Variants in PANK2 observed in about 807,000 individuals in gnomAD.
The protein encoded by PANK2 is pantothenate kinase 2.
Under a neutral mutation model 43.1 loss-of-function variants are expected in PANK2, and 36 were observed. The observed-to-expected ratio is 0.84, with a 90% confidence interval of 0.64 to 1.10. The LOEUF is 1.10. Among genes scored for constraint, PANK2 ranks in the 50% least tolerant of loss-of-function variants. The probability of loss-of-function intolerance (pLI) is 0.00; values close to 1 mark genes in which losing one functional copy is unlikely to be tolerated. For synonymous variants in PANK2, 281 were observed against 238.2 expected, an observed-to-expected ratio of 1.18 and a Z score of -1.66; for missense variants, 576 against 593.3, an observed-to-expected ratio of 0.97 and a Z score of 0.30.
chr20:3,890,901 T>C (rs2090112616), intron 1 of PANK2, among the ~76,000 whole-genome samples: 1 of 152,218 alleles, frequency 6.6e-6, no homozygotes, highest in Non-Finnish European at 1.5e-5. Flanking sequence ...TCACCTAGTT[T>C]TGTTTTATTT....
chr20:3,895,505 T>C lies in PANK2; in HGVS notation c.298+5777T>C, dbSNP rs1435299875. 5.3e-5 allele frequency among the ~76,000 whole-genome samples: 8 copies of C among 151,058 alleles called. No homozygotes were observed. In the East Asian group the frequency reaches 7.7e-4, roughly 15 times the overall value. ...CTCCGTTTTTTTTTTTTTCTTTTTTTTTTTCTCAAAACATTTCAAAAAATA... is the reference window on the plus strand; with the variant it reads ...CTCCGTTTTTTTTTTTTTCTTTTTTCTTTTCTCAAAACATTTCAAAAAATA... On this transcript the variant is annotated intron_variant, in intron 1 of 6. Coordinates refer to ENST00000610179, the MANE Select transcript of PANK2 (RefSeq NM_001386393.1).
rs375856945 is a variant in PANK2 at position 3,912,715 on chromosome 20, G to A, written c.1082+81G>A. 5.5e-6 allele frequency: 8 copies of A among 1,456,894 alleles called. No individual in the cohort carries two copies. The African/African-American group carries it at 9.8e-5, about 18-fold the overall frequency. 90.2% of individuals were successfully genotyped at this position (1,456,894 alleles called of 1,614,324 possible). On this transcript the variant is annotated intron_variant, in intron 4 of 6. Transcript: ENST00000610179. ...GCCTTTAATCCCAAAACTTTGAGAG[G>A]CCGAGATGGGCAGATCATGAGGTCA...
intron 6 of PANK2, among the ~76,000 whole-genome samples, chr20:3,922,709 C>G (rs958494157): frequency 3.3e-5 from 5 of 152,164 alleles, no homozygotes; most frequent in Admixed American, 1.3e-4. Flanking sequence ...GATGCTGCCC[C>G]CTCCTGCTGT....
At position 3,913,775 on chromosome 20, in the gene PANK2, C is replaced by CACACAT. The variant is rs575219677; in HGVS notation, c.1082+1142_1082+1143insCACATA. On this transcript the variant is annotated intron_variant, in intron 4 of 6. Coordinates refer to ENST00000610179, the MANE Select transcript of PANK2 (RefSeq NM_001386393.1). ...TTGTATGTATGCACACACACACACA[C>CACACAT]ATATATATATATATATTTTTTTTTT... 2.2e-3 allele frequency among the ~76,000 whole-genome samples: 270 copies of CACACAT among 123,952 alleles called. 1 individual carries two copies. Among genetic ancestry groups the CACACAT allele is most frequent in the Middle Eastern group, 0.02 (5 of 254 alleles). The allele number at this position is 123,952 out of a possible 152,430, so 81.3% of individuals were successfully genotyped here.
At chr20:3,916,343 A>G (rs143217161) in intron 4 of PANK2, among the ~76,000 whole-genome samples, 5 of 152,216 alleles carry the variant, frequency 3.3e-5, no homozygotes, top group African/African-American at 9.6e-5. Flanking sequence ...CACTTGGTCA[A>G]TGCTGTTGAT....
At chr20:3,888,979 G>A, upstream of PANK2, 26 of 751,870 alleles carry the variant, frequency 3.5e-5, no homozygotes, top group South Asian at 1.9e-4. Flanking sequence ...CTGGGCTGGA[G>A]GAGGGCTCGA....
intron 4 of PANK2, among the ~76,000 whole-genome samples, chr20:3,913,307 A>G (rs1241256390): frequency 6.6e-6 from 1 of 152,180 alleles, no homozygotes; most frequent in African/African-American, 2.4e-5. Flanking sequence ...TTCACATTAC[A>G]GTGTGAATCA....
chr20:3,901,480 A>G, intron 1 of PANK2: 1 of 417,194 alleles, frequency 2.4e-6, no homozygotes, highest in East Asian at 1.6e-4. Context: ...TGACACATTT[A>G]AACTATCACT....
At chr20:3,912,683 G>A (rs372724301) in intron 4 of PANK2, 49 bp downstream of exon 4, 4 of 1,604,470 alleles carry the variant, frequency 2.5e-6, no homozygotes, top group Non-Finnish European at 3.4e-6. Context: ...CGGGCGCGGT[G>A]GCTCATGCCT....
intron 6 of PANK2, among the ~76,000 whole-genome samples, chr20:3,919,649 A>G (rs189749399): frequency 3.0e-4 from 45 of 152,248 alleles, no homozygotes; most frequent in Admixed American, 2.5e-3. Flanking sequence ...TATTTTTCCT[A>G]TTTGGGGAAA....
chr20:3,929,630 C>G lies in PANK2; in HGVS notation c.*6336C>G, dbSNP rs1189775134. On this transcript the variant is annotated 3_prime_UTR_variant, in exon 7 of 7. Coordinates refer to ENST00000610179, the MANE Select transcript of PANK2 (RefSeq NM_001386393.1). Reference sequence around the variant, plus strand: ...ACCACTGGTCCTCACTTGGAACTGGCCAAGGTAGGGGAGGGGCCAGCAGCT... The same window carrying G: ...ACCACTGGTCCTCACTTGGAACTGGGCAAGGTAGGGGAGGGGCCAGCAGCT... 6.6e-6 allele frequency: 1 copy of G among 152,436 alleles called. No individual in the cohort carries two copies. Among genetic ancestry groups the G allele is most frequent in the Admixed American group, 6.5e-5 (1 of 15,288 alleles). The allele number at this position is 152,436 out of a possible 1,614,324, so 9.4% of individuals were successfully genotyped here.
At chr20:3,896,781 C>T (rs2146828425) in intron 1 of PANK2, among the ~76,000 whole-genome samples, 1 of 152,270 alleles carries the variant, frequency 6.6e-6, no homozygotes, top group South Asian at 2.1e-4. Context: ...TTCCGTGTCC[C>T]TCCCCTATAC....
chr20:3,915,753 C>A (rs2090549988), intron 4 of PANK2, among the ~76,000 whole-genome samples: 1 of 152,172 alleles, frequency 6.6e-6, no homozygotes, highest in Admixed American at 6.5e-5. Flanking sequence ...CTGTTAAATT[C>A]TCTTGGCCCC....
At chr20:3,916,095 C>T (rs6052170) in intron 4 of PANK2, among the ~76,000 whole-genome samples, 102,616 of 152,106 alleles carry the variant, frequency 0.67, 34,943 homozygotes, top group Admixed American at 0.77. Context: ...GGAATGTCTT[C>T]CCATTGATTT....
chr20:3,907,504 G>C lies in PANK2; in HGVS notation c.299-422G>C, dbSNP rs563267971. Among the ~76,000 whole-genome samples the C allele has an allele frequency of 8.5e-5, 13 of 152,240 alleles. No individual in the cohort carries two copies. The South Asian group carries it at 2.7e-3, about 32-fold the overall frequency. ...ACCATTGGAGGTTATATGTTACATA[G>C]GTTTGGGAATTTCCTGTTTCTAGTT... On this transcript the variant is annotated intron_variant, in intron 1 of 6. Coordinates refer to ENST00000610179, the MANE Select transcript of PANK2 (RefSeq NM_001386393.1).
chr20:3,920,609 G>A (rs1469761415), intron 6 of PANK2, among the ~76,000 whole-genome samples: 1 of 152,180 alleles, frequency 6.6e-6, no homozygotes, highest in Non-Finnish European at 1.5e-5. Context: ...CACTTTGGGA[G>A]GCCGAGGTGG....
intron 1 of PANK2, among the ~76,000 whole-genome samples, chr20:3,905,896 G>A (rs2090379356): frequency 6.6e-6 from 1 of 151,246 alleles, no homozygotes; most frequent in Non-Finnish European, 1.5e-5. Context: ...TGTATTTTTA[G>A]TAGAGATGGG....
intron 6 of PANK2, chr20:3,921,276 G>A (rs1282756834): frequency 3.3e-5 from 5 of 151,002 alleles, no homozygotes; most frequent in Non-Finnish European, 7.4e-5. Flanking sequence ...GTTCAGTTCA[G>A]AACTTTGATT....
intron 1 of PANK2, among the ~76,000 whole-genome samples, chr20:3,900,255 G>A (rs2146837923): frequency 6.6e-6 from 1 of 151,990 alleles, no homozygotes; most frequent in South Asian, 2.1e-4. Flanking sequence ...ATGATTATGA[G>A]TGAGTATAGG....
Sources: gnomAD v4.1 joint callset for allele counts (sites outside exome capture counted in the v4.1 genomes callset) on GRCh38, gnomAD v4.1.1 for gene constraint, MANE v1.5 for transcripts, NCBI Gene and HGNC (gene_info 2026-07-23, HGNC 2026-07-21) for gene names.